The following BICC1 variants were observed in gnomAD, a reference collection of about 807,000 sequenced individuals.
BICC1 encodes protein bicaudal C homolog 1.
Under a neutral mutation model 111.0 loss-of-function variants are expected in BICC1, and 43 were observed. That is an observed-to-expected ratio of 0.39 (90% CI 0.30 to 0.50). The LOEUF (loss-of-function observed/expected upper bound fraction) is 0.50, where lower values mean the gene tolerates loss of function less well. Among genes scored for constraint, BICC1 ranks in the 20% least tolerant of loss-of-function variants. The pLI is 0.88. For missense variants in BICC1, 1,091 were observed against 1,203.2 expected (o/e 0.91, Z 1.38); for synonymous variants, 467 against 434.4 (o/e 1.07, Z -0.93).
In BICC1 at chr10:58,549,435, T is replaced by G. The variant is rs145569260; in HGVS notation, c.190+36102T>G. Among the ~76,000 whole-genome samples the G allele has an allele frequency of 3.2e-3, 482 of 152,304 alleles. 4 individuals are homozygous for G. Among genetic ancestry groups the G allele is most frequent in the African/African-American group, 0.011 (459 of 41,580 alleles). ...CCAACAATGAATTGAGAGCTCCTGT[T>G]TCTCTGCATCCTAGTCAACGTTTGG... On this transcript the variant is annotated intron_variant, in intron 1 of 20. Transcript: ENST00000373886.
At chr10:58,804,505 G>T (rs1306602898) in intron 15 of BICC1, among the ~76,000 whole-genome samples, 1 of 152,098 alleles carries the variant, frequency 6.6e-6, no homozygotes. Flanking sequence ...GAGAGAGAGC[G>T]AGACCCTGTC....
At chr10:58,752,193 A>G (rs576259525) in intron 3 of BICC1, among the ~76,000 whole-genome samples, 5 of 152,278 alleles carry the variant, frequency 3.3e-5, no homozygotes, top group African/African-American at 9.6e-5. Flanking sequence ...GGCACCGCAA[A>G]GTGTAAAAGA....
intron 2 of BICC1, among the ~76,000 whole-genome samples, chr10:58,695,187 C>T (rs1217189037): frequency 6.6e-6 from 1 of 152,154 alleles, no homozygotes; most frequent in African/African-American, 2.4e-5. Context: ...TGAAATATAG[C>T]AGAACCCTCT....
At chr10:58,767,953 A>G (rs1842504350) in intron 3 of BICC1, among the ~76,000 whole-genome samples, 1 of 152,136 alleles carries the variant, frequency 6.6e-6, no homozygotes. Flanking sequence ...GATTTATGCG[A>G]TACCATCAGG....
At chr10:58,737,920 C>A (rs1286538297) in intron 3 of BICC1, among the ~76,000 whole-genome samples, 1 of 152,160 alleles carries the variant, frequency 6.6e-6, no homozygotes, top group African/African-American at 2.4e-5. Context: ...CCTTCGCCCA[C>A]TTGTTGGTGG....
chr10:58,520,436 G>A (rs1229670833), intron 1 of BICC1, among the ~76,000 whole-genome samples: 3 of 152,120 alleles, frequency 2.0e-5, no homozygotes, highest in Non-Finnish European at 4.4e-5. Context: ...CATTGTGGGT[G>A]CTATACATTT....
intron 1 of BICC1, among the ~76,000 whole-genome samples, chr10:58,602,500 C>T (rs1417568059): frequency 6.6e-6 from 1 of 152,096 alleles, no homozygotes; most frequent in East Asian, 1.9e-4. Flanking sequence ...AAACCAAGGA[C>T]TTTAAACGGA....
At chr10:58,656,025 G>A (rs1003836075) in intron 2 of BICC1, among the ~76,000 whole-genome samples, 3 of 152,046 alleles carry the variant, frequency 2.0e-5, no homozygotes, top group Non-Finnish European at 4.4e-5. Flanking sequence ...TATCACCACC[G>A]ATCCCACAGA....
At chr10:58,549,037 G>A (rs191692667) in intron 1 of BICC1, among the ~76,000 whole-genome samples, 310 of 152,014 alleles carry the variant, frequency 2.0e-3, no homozygotes, top group African/African-American at 7.1e-3. Flanking sequence ...GTGGAGACAG[G>A]GTTTTGCCAT....
At chr10:58,771,822 T>C (rs989679803) in intron 3 of BICC1, among the ~76,000 whole-genome samples, 9 of 152,214 alleles carry the variant, frequency 5.9e-5, no homozygotes, top group African/African-American at 2.2e-4. Flanking sequence ...ATCTTAATTC[T>C]GTGTAATTGG....
chr10:58,751,786 A>G lies in BICC1; in HGVS notation c.308-33215A>G, dbSNP rs116822764. ...ACAAACTTTAATTTAACTTCTTTGT[A>G]TTTTTAAAGTGCCTGAAGCATATAT... On this transcript the variant is annotated intron_variant, in intron 3 of 20. Transcript: ENST00000373886. Among the ~76,000 whole-genome samples, 169 of 152,256 alleles carry G rather than the reference A, an allele frequency of 1.1e-3. 1 individual carries two copies. The highest frequency in any genetic ancestry group is 4.0e-3 in the African/African-American group (168 of 41,562).
chr10:58,671,828 A>G (rs958873228), intron 2 of BICC1, among the ~76,000 whole-genome samples: 1 of 152,156 alleles, frequency 6.6e-6, no homozygotes, highest in African/African-American at 2.4e-5. Flanking sequence ...AAGGGTACCC[A>G]TGATCTGTTT....
chr10:58,782,626 A>G (rs1842911133), intron 3 of BICC1, among the ~76,000 whole-genome samples: 1 of 152,198 alleles, frequency 6.6e-6, no homozygotes, highest in Non-Finnish European at 1.5e-5. Flanking sequence ...AACTAAAACC[A>G]AAGTTAAGGA....
chr10:58,788,742 G>A (rs1376618967), intron 6 of BICC1, among the ~76,000 whole-genome samples: 1 of 152,098 alleles, frequency 6.6e-6, no homozygotes, highest in Admixed American at 6.5e-5. Flanking sequence ...AATGCCACAG[G>A]CAATGTGAGT....
At chr10:58,716,216 CAAAA>C (rs1824359574) in intron 3 of BICC1, 1 of 1,503,940 alleles carries the variant, frequency 6.6e-7, no homozygotes, top group East Asian at 2.5e-5. Flanking sequence ...ACAGAAAAAA[CAAAA>C]AAGAATAAGA....
intron 2 of BICC1, among the ~76,000 whole-genome samples, chr10:58,662,151 T>C (rs1258443181): frequency 6.6e-6 from 1 of 152,154 alleles, no homozygotes; most frequent in South Asian, 2.1e-4. Flanking sequence ...TGAAGAAAAC[T>C]TAAGTGGCTA....
intron 3 of BICC1, among the ~76,000 whole-genome samples, chr10:58,757,384 C>A (rs1233021483): frequency 6.6e-6 from 1 of 152,120 alleles, no homozygotes; most frequent in African/African-American, 2.4e-5. Context: ...TTTATCTACC[C>A]AACTATTATC....
At chr10:58,799,711 A>T (rs1289756059) in intron 12 of BICC1, among the ~76,000 whole-genome samples, 2 of 146,360 alleles carry the variant, frequency 1.4e-5, no homozygotes, top group African/African-American at 2.5e-5. Flanking sequence ...CTATATTTCT[A>T]TTTTTTTTTT....
At chr10:58,687,861 C>G (rs1324844761) in intron 2 of BICC1, among the ~76,000 whole-genome samples, 1 of 152,170 alleles carries the variant, frequency 6.6e-6, no homozygotes, top group Non-Finnish European at 1.5e-5. Context: ...GCTGCACCCA[C>G]TGTCCGACAA....
Sources: gnomAD v4.1 joint callset for allele counts (sites outside exome capture counted in the v4.1 genomes callset) on GRCh38, gnomAD v4.1.1 for gene constraint, MANE v1.5 for transcripts, NCBI Gene and HGNC (gene_info 2026-07-23, HGNC 2026-07-21) for gene names.